Variants in PIBF1 observed in about 807,000 individuals in gnomAD.
The protein encoded by PIBF1 is progesterone immunomodulatory binding factor 1, also known as progesterone-induced-blocking factor 1.
In PIBF1, 90 loss-of-function variants were observed where a neutral mutation model predicts 112.5. The observed-to-expected ratio is 0.80, with a 90% confidence interval of 0.67 to 0.95. The LOEUF is 0.95. PIBF1 is among the 40% of genes least tolerant of loss of function. The pLI is 0.00. For synonymous variants in PIBF1, 301 were observed against 288.6 expected (o/e 1.04, Z -0.44); for missense variants, 915 against 852.3 (o/e 1.07, Z -0.92).
At chr13:72,815,539 C>A (rs1475748126) in intron 5 of PIBF1, among the ~76,000 whole-genome samples, 4 of 152,194 alleles carry the variant, frequency 2.6e-5, no homozygotes, top group Non-Finnish European at 4.4e-5. Flanking sequence ...TTATGATTAA[C>A]ATATTAATCA....
rs111351047 is a variant in PIBF1 at position 72,943,302 on chromosome 13, A to G, written c.1833+12035A>G. ...TAGTGTTTAATTGCACAATAGGATG[A>G]CTGTAGTTTACAATAATTTATTGTA... On this transcript the variant is annotated intron_variant, in intron 14 of 17. Transcript: ENST00000326291. Among the ~76,000 whole-genome samples the G allele has an allele frequency of 6.9e-3, 1,055 of 152,234 alleles. 22 individuals carry two copies. The highest frequency in any genetic ancestry group is 0.024 in the African/African-American group (991 of 41,526).
chr13:72,884,603 G>C (rs2039772174), intron 10 of PIBF1: 1 of 152,106 alleles, frequency 6.6e-6, no homozygotes, highest in Non-Finnish European at 1.5e-5. Context: ...GAGTTGCTTT[G>C]ATTATATTAG....
chr13:72,812,234 T>G (rs770903545), intron 5 of PIBF1, among the ~76,000 whole-genome samples: 1 of 152,210 alleles, frequency 6.6e-6, no homozygotes, highest in East Asian at 1.9e-4. Flanking sequence ...TCCACAGATA[T>G]GTTTTGGAGT....
intron 14 of PIBF1, among the ~76,000 whole-genome samples, chr13:72,954,271 T>G (rs2042379699): frequency 6.6e-6 from 1 of 152,178 alleles, no homozygotes; most frequent in Non-Finnish European, 1.5e-5. Context: ...CCCCAAGCAG[T>G]AAGCCTTCCT....
intron 16 of PIBF1, among the ~76,000 whole-genome samples, chr13:72,978,713 A>G (rs1449607395): frequency 2.0e-5 from 3 of 152,164 alleles, no homozygotes; most frequent in East Asian, 1.9e-4. Context: ...GTTGTAATCT[A>G]TCTTACTCTA....
intron 5 of PIBF1, among the ~76,000 whole-genome samples, chr13:72,798,380 C>G (rs1334795492): frequency 6.6e-6 from 1 of 152,144 alleles, no homozygotes; most frequent in South Asian, 2.1e-4. Context: ...TTTTTAACAT[C>G]ACTTTGTCAG....
At chr13:72,809,672 C>T (rs1413917149) in intron 5 of PIBF1, among the ~76,000 whole-genome samples, 2 of 149,780 alleles carry the variant, frequency 1.3e-5, no homozygotes, top group African/African-American at 4.9e-5. Context: ...TCACTGCAAC[C>T]TCTGCCTCCT....
At chr13:72,801,712 A>G (rs920405639) in intron 5 of PIBF1, among the ~76,000 whole-genome samples, 2 of 152,206 alleles carry the variant, frequency 1.3e-5, no homozygotes, top group Non-Finnish European at 2.9e-5. Flanking sequence ...GCAGTTCTCC[A>G]GTAAAATGTG....
At chr13:72,886,331 T>G (rs1407443826) in intron 10 of PIBF1, among the ~76,000 whole-genome samples, 1 of 151,914 alleles carries the variant, frequency 6.6e-6, no homozygotes, top group African/African-American at 2.4e-5. Context: ...TAATAAATAC[T>G]CTTGGTTCGG....
chr13:72,957,529 G>T (rs1706352439), intron 14 of PIBF1, among the ~76,000 whole-genome samples: 1 of 152,060 alleles, frequency 6.6e-6, no homozygotes, highest in African/African-American at 2.4e-5. Context: ...GTGGGAGCAG[G>T]GTGGAGGATA....
intron 14 of PIBF1, among the ~76,000 whole-genome samples, chr13:72,941,166 A>G (rs1444563369): frequency 6.6e-6 from 1 of 152,106 alleles, no homozygotes; most frequent in East Asian, 1.9e-4. Flanking sequence ...TGTGTCAGGG[A>G]TCTCCTTCAT....
At chr13:72,822,549 G>A (rs983453466) in intron 6 of PIBF1, among the ~76,000 whole-genome samples, 4 of 151,840 alleles carry the variant, frequency 2.6e-5, no homozygotes, top group African/African-American at 4.8e-5. Flanking sequence ...TTGCTAATAC[G>A]GATAACTGCA....
chr13:72,816,001 T>C (rs1336027747), intron 5 of PIBF1, among the ~76,000 whole-genome samples: 1 of 152,228 alleles, frequency 6.6e-6, no homozygotes, highest in African/African-American at 2.4e-5. Flanking sequence ...TCAATGCCTG[T>C]TGAGAAGCCA....
At chr13:72,982,021 G>A (rs112071538) in intron 16 of PIBF1, among the ~76,000 whole-genome samples, 245 of 152,232 alleles carry the variant, frequency 1.6e-3, no homozygotes, top group Admixed American at 1.9e-3. Context: ...GTAAATAAAG[G>A]TAATATCTAC....
intron 9 of PIBF1, among the ~76,000 whole-genome samples, chr13:72,849,998 G>A (rs2038056598): frequency 6.6e-6 from 1 of 152,222 alleles, no homozygotes; most frequent in Non-Finnish European, 1.5e-5. Context: ...TTTATTGTCA[G>A]TAGAAGAATA....
intron 6 of PIBF1, among the ~76,000 whole-genome samples, chr13:72,824,022 T>C (rs1472464646): frequency 2.0e-5 from 3 of 151,984 alleles, no homozygotes; most frequent in Non-Finnish European, 4.4e-5. Context: ...TACTGATACT[T>C]CTTTTTTTTG....
intron 10 of PIBF1, among the ~76,000 whole-genome samples, chr13:72,878,241 A>G (rs2039489105): frequency 6.6e-6 from 1 of 152,020 alleles, no homozygotes; most frequent in Non-Finnish European, 1.5e-5. Flanking sequence ...TTCCTAAGAT[A>G]GAAGTTTAGA....
intron 10 of PIBF1, among the ~76,000 whole-genome samples, chr13:72,879,486 A>G (rs1332798828): frequency 6.6e-6 from 1 of 152,232 alleles, no homozygotes; most frequent in Non-Finnish European, 1.5e-5. Flanking sequence ...CCTTAGTAAA[A>G]GGAAGTCATC....
intron 9 of PIBF1, among the ~76,000 whole-genome samples, chr13:72,849,703 G>A (rs2038043815): frequency 6.6e-6 from 1 of 152,144 alleles, no homozygotes; most frequent in African/African-American, 2.4e-5. Flanking sequence ...AATTTCTCAA[G>A]GAGAAAACAT....
Sources: allele counts gnomAD v4.1 joint callset (sites outside exome capture counted in the v4.1 genomes callset), GRCh38; gene constraint gnomAD v4.1.1; transcripts MANE v1.5; gene names NCBI Gene and HGNC (gene_info 2026-07-23, HGNC 2026-07-21).